Variants in PPARG observed in about 807,000 individuals in gnomAD.
PPARG encodes the protein peroxisome proliferator-activated receptor gamma.
Under a neutral mutation model 39.2 loss-of-function variants are expected in PPARG, and 17 were observed. The observed-to-expected ratio is 0.43, with a 90% CI of 0.30 to 0.65. PPARG has a LOEUF of 0.65. Ranked by LOEUF, PPARG falls within the 30% of genes least tolerant of loss-of-function variation. PPARG has a pLI of 0.13. For synonymous variants in PPARG, 223 were observed against 215.7 expected (o/e 1.03, Z -0.30); for missense variants, 406 against 585.9 (o/e 0.69, Z 3.17).
chr3:12,377,969 C>T (rs947067976), intron 2 of PPARG, among the ~76,000 whole-genome samples: 7 of 152,066 alleles, frequency 4.6e-5, no homozygotes, highest in African/African-American at 1.7e-4. Context: ...AAAGGAATAT[C>T]CATTTCTAGA....
intron 2 of PPARG, chr3:12,328,167 A>G: frequency 7.6e-7 from 1 of 1,311,490 alleles, no homozygotes; most frequent in Non-Finnish European, 1.1e-6. Context: ...AGCAGCAAAT[A>G]GCGAAGAAAA....
At chr3:12,349,546 T>C (rs1243864498) in intron 2 of PPARG, among the ~76,000 whole-genome samples, 1 of 152,224 alleles carries the variant, frequency 6.6e-6, no homozygotes, top group Non-Finnish European at 1.5e-5. Flanking sequence ...GCCCTGTGTT[T>C]ATTAAAATTG....
At chr3:12,340,885 C>A in intron 2 of PPARG, among the ~76,000 whole-genome samples, 1 of 152,142 alleles carries the variant, frequency 6.6e-6, no homozygotes, top group East Asian at 1.9e-4. Context: ...TTTGTATATG[C>A]AATAAAAAGG....
intron 2 of PPARG, chr3:12,372,049 G>A (rs1044223959): frequency 1.9e-5 from 14 of 718,346 alleles, no homozygotes; most frequent in African/African-American, 1.2e-4. Context: ...AAAAATCGGC[G>A]GTTAAGTGTC....
Position 12,348,578 on chromosome 3 carries a change from ACATC to A in PPARG, c.-8-31122_-8-31119del. ...AGGATGTGGTGGTGTACTCAAAGTC[ACATC>A]CATACCCTTCTGTCTCCAAAGTCCT... is the stretch of plus-strand genomic sequence containing the variant. On this transcript the variant is annotated intron_variant, in intron 2 of 7. Coordinates refer to ENST00000651735, the MANE Select transcript of PPARG (RefSeq NM_138711.6). Among the ~76,000 whole-genome samples, 5 of 152,330 alleles carry A rather than the reference ACATC, an allele frequency of 3.3e-5. No homozygotes were observed. The Middle Eastern group carries it at 0.014, about 415-fold the overall frequency.
intron 2 of PPARG, among the ~76,000 whole-genome samples, chr3:12,340,528 A>G (rs1400901695): frequency 2.0e-5 from 3 of 152,186 alleles, no homozygotes; most frequent in Non-Finnish European, 4.4e-5. Context: ...AAATGTTTCC[A>G]AAGTTTCAAA....
At chr3:12,303,166 A>G (rs1171492833) in intron 1 of PPARG, among the ~76,000 whole-genome samples, 1 of 152,104 alleles carries the variant, frequency 6.6e-6, no homozygotes, top group Non-Finnish European at 1.5e-5. Flanking sequence ...TAAAGGATGA[A>G]TGAGTGGAGT....
At chr3:12,311,641 G>A (rs2047247888) in intron 1 of PPARG, among the ~76,000 whole-genome samples, 1 of 151,772 alleles carries the variant, frequency 6.6e-6, no homozygotes, top group African/African-American at 2.4e-5. Context: ...GGGTCTCGAT[G>A]TTGGCGCTAT....
intron 1 of PPARG, among the ~76,000 whole-genome samples, chr3:12,307,157 T>C (rs755141988): frequency 6.7e-5 from 10 of 148,326 alleles, no homozygotes; most frequent in Non-Finnish European, 1.5e-4. Context: ...TTTTTGTCTC[T>C]CTTAAATTCC....
intron 2 of PPARG, among the ~76,000 whole-genome samples, chr3:12,345,223 A>G (rs1252004546): frequency 6.6e-6 from 1 of 152,230 alleles, no homozygotes; most frequent in Non-Finnish European, 1.5e-5. Context: ...ATGACTCATG[A>G]AGAATCTGTG....
intron 5 of PPARG, among the ~76,000 whole-genome samples, chr3:12,404,481 A>G (rs944082432): frequency 6.6e-6 from 1 of 152,200 alleles, no homozygotes; most frequent in Non-Finnish European, 1.5e-5. Context: ...CATGGTAGAA[A>G]TGCTACCCTT....
At position 12,397,815 on chromosome 3, in the gene PPARG, A is replaced by G. The variant is rs4135340; in HGVS notation, c.529+5063A>G. On this transcript the variant is annotated intron_variant, in intron 5 of 7. Coordinates refer to ENST00000651735, the MANE Select transcript of PPARG (RefSeq NM_138711.6). ...AAACTCCTAATGCATGTGGCAGTAC[A>G]TGTTTGCTCCAGCTGCCCTGTCCCT... 5.6e-3 allele frequency among the ~76,000 whole-genome samples: 845 copies of G among 152,104 alleles called. 11 individuals carry two copies. The highest frequency in any genetic ancestry group is 0.019 in the African/African-American group (784 of 41,478).
intron 2 of PPARG, among the ~76,000 whole-genome samples, chr3:12,360,345 T>G (rs552626528): frequency 2.0e-5 from 3 of 152,142 alleles, no homozygotes; most frequent in Non-Finnish European, 4.4e-5. Context: ...ATTGAATAAT[T>G]TTTAAGTGAA....
rs4135322 is a variant in PPARG, at chr3:12,377,260, T to C, written c.-8-2444T>C. ...TTAGAATCCATGTAAGCATTTTTCC[T>C]TTGTCTTTTATGTGTTTTCTTGTTT... On this transcript the variant is annotated intron_variant, in intron 2 of 7. Transcript: ENST00000651735. Among the ~76,000 whole-genome samples, 806 of 152,328 alleles carry C rather than the reference T, an allele frequency of 5.3e-3. 8 individuals carry two copies. The highest frequency in any genetic ancestry group is 0.017 in the African/African-American group (711 of 41,570).
At chr3:12,377,280 T>C (rs2049449025) in intron 2 of PPARG, among the ~76,000 whole-genome samples, 1 of 152,206 alleles carries the variant, frequency 6.6e-6, no homozygotes, top group African/African-American at 2.4e-5. Flanking sequence ...ATGTGTTTTC[T>C]TGTTTCTATC....
intron 6 of PPARG, among the ~76,000 whole-genome samples, chr3:12,409,963 C>G (rs1057421166): frequency 1.3e-5 from 2 of 152,154 alleles, no homozygotes; most frequent in Admixed American, 1.3e-4. Context: ...ATTAAATTCC[C>G]CTGCTCCCCT....
chr3:12,407,516 G>A (rs188541032), intron 6 of PPARG, among the ~76,000 whole-genome samples: 4 of 152,158 alleles, frequency 2.6e-5, no homozygotes, highest in African/African-American at 4.8e-5. Context: ...TCTGCACAAC[G>A]CTCCCAGGGC....
At chr3:12,326,209 G>A (rs1379863514) in intron 2 of PPARG, among the ~76,000 whole-genome samples, 1 of 152,124 alleles carries the variant, frequency 6.6e-6, no homozygotes, top group East Asian at 1.9e-4. Context: ...GGTAGATCGA[G>A]TTGTAAAAAC....
intron 5 of PPARG, among the ~76,000 whole-genome samples, chr3:12,402,507 G>A (rs1274514256): frequency 6.6e-6 from 1 of 152,122 alleles, no homozygotes; most frequent in African/African-American, 2.4e-5. Flanking sequence ...GAGAAAACAT[G>A]TTACTCATAT....
Sources: allele counts gnomAD v4.1 joint callset (sites outside exome capture counted in the v4.1 genomes callset), GRCh38; gene constraint gnomAD v4.1.1; transcripts MANE v1.5; gene names NCBI Gene and HGNC (gene_info 2026-07-23, HGNC 2026-07-21).